RAPGEF5: variants seen among roughly 807,000 people sequenced by gnomAD.
The protein encoded by RAPGEF5 is Rap guanine nucleotide exchange factor 5, also known as M-Ras-regulated GEF.
RAPGEF5 carries 65 observed loss-of-function variants against 125.2 expected under a neutral mutation model. The ratio of observed to expected loss-of-function variants is 0.52; its 90% confidence interval spans 0.43 to 0.64. The LOEUF (loss-of-function observed/expected upper bound fraction) is 0.64. RAPGEF5 is among the 30% of genes least tolerant of loss of function. The probability of loss-of-function intolerance (pLI) is 0.00; values close to 1 mark genes in which losing one functional copy is unlikely to be tolerated. For missense variants in RAPGEF5, 958 were observed against 1,048.1 expected, an observed-to-expected ratio of 0.91 and a Z score of 1.19; for synonymous variants, 391 against 385.9, an observed-to-expected ratio of 1.01 and a Z score of -0.16.
intron 11 of RAPGEF5, 114 bp downstream of exon 11, chr7:22,193,253 A>T (rs2067842520): frequency 4.4e-6 from 5 of 1,143,660 alleles, no homozygotes; most frequent in Non-Finnish European, 6.1e-6. Flanking sequence ...CACAAAGCAT[A>T]TGCTATTTCT....
chr7:22,237,205 T>C (rs957726440), intron 7 of RAPGEF5, among the ~76,000 whole-genome samples: 2 of 152,316 alleles, frequency 1.3e-5, no homozygotes, highest in African/African-American at 4.8e-5. Context: ...AACAAAGCTC[T>C]TTTTCTGTAC....
chr7:22,166,202 C>G (rs965870144), intron 12 of RAPGEF5, among the ~76,000 whole-genome samples: 8 of 151,348 alleles, frequency 5.3e-5, no homozygotes, highest in Admixed American at 3.3e-4. Flanking sequence ...GCTGGAATTA[C>G]AGGTGTGAGC....
intron 1 of RAPGEF5, among the ~76,000 whole-genome samples, chr7:22,340,618 G>T (rs1784107862): frequency 6.6e-6 from 1 of 152,214 alleles, no homozygotes; most frequent in Admixed American, 6.5e-5. Context: ...TGTATGTCTG[G>T]GTCCCCCAGC....
chr7:22,226,286 T>C (rs1785916103), intron 8 of RAPGEF5, among the ~76,000 whole-genome samples: 1 of 152,196 alleles, frequency 6.6e-6, no homozygotes. Context: ...TTAATTTCAT[T>C]AAAAATTAAG....
chr7:22,356,142 G>T (rs912095646), intron 1 of RAPGEF5: 44 of 985,196 alleles, frequency 4.5e-5, no homozygotes, highest in Non-Finnish European at 4.9e-5. Context: ...ACCTGCTCAG[G>T]TCATTAGATG....
chr7:22,232,905 G>A (rs569649704), intron 7 of RAPGEF5, among the ~76,000 whole-genome samples: 5 of 152,252 alleles, frequency 3.3e-5, no homozygotes, highest in African/African-American at 1.2e-4. Flanking sequence ...TTCACGCTTT[G>A]GATAACTAGG....
chr7:22,242,947 CAAA>C (rs537954162), intron 7 of RAPGEF5, among the ~76,000 whole-genome samples: 4 of 65,768 alleles, frequency 6.1e-5, no homozygotes, highest in African/African-American at 9.3e-5. Flanking sequence ...AACTCCGTCT[CAAA>C]AAAAAAAAAA....
chr7:22,334,153 C>T (rs906653277), intron 1 of RAPGEF5, among the ~76,000 whole-genome samples: 5 of 152,206 alleles, frequency 3.3e-5, no homozygotes, highest in African/African-American at 4.8e-5. Context: ...AGCATGGGCC[C>T]GAGCCTGACC....
intron 1 of RAPGEF5, among the ~76,000 whole-genome samples, chr7:22,345,515 ATTAAAAAAAAGAC>A (rs981987043): frequency 1.3e-5 from 2 of 152,194 alleles, no homozygotes; most frequent in Non-Finnish European, 2.9e-5. Context: ...TTTTGAGTCT[ATTAAAAAAAAGAC>A]TTTATTCCAG....
chr7:22,218,702 C>T (rs920759883), intron 9 of RAPGEF5, among the ~76,000 whole-genome samples: 1 of 152,214 alleles, frequency 6.6e-6, no homozygotes, highest in Non-Finnish European at 1.5e-5. Flanking sequence ...TATAGTCAAA[C>T]TTCAGGGTGC....
chr7:22,213,876 T>G (rs1251946308), intron 9 of RAPGEF5, among the ~76,000 whole-genome samples: 1 of 152,246 alleles, frequency 6.6e-6, no homozygotes, highest in Non-Finnish European at 1.5e-5. Context: ...CTCACCTAGA[T>G]GTACAATTAT....
At chr7:22,354,993 A>G (rs1784395426) in intron 1 of RAPGEF5, among the ~76,000 whole-genome samples, 1 of 152,224 alleles carries the variant, frequency 6.6e-6, no homozygotes, top group Non-Finnish European at 1.5e-5. Flanking sequence ...GGAAGATTCC[A>G]AAATCACAAA....
chr7:22,289,301 A>T lies in RAPGEF5; in HGVS notation c.747+1874T>A, dbSNP rs542149965. Reference sequence around the variant, plus strand: ...AACTACATTACATTATTTATTATATATTTTTAAATGAGGCATAGTAGGAGA... The same window carrying T: ...AACTACATTACATTATTTATTATATTTTTTTAAATGAGGCATAGTAGGAGA... On this transcript the variant is annotated intron_variant, in intron 6 of 25. Coordinates refer to ENST00000665637, the MANE Select transcript of RAPGEF5 (RefSeq NM_012294.5). Among the ~76,000 whole-genome samples, 4 of 152,326 alleles carry T rather than the reference A, an allele frequency of 2.6e-5. No homozygotes were observed. In the South Asian group the frequency reaches 8.3e-4, roughly 32 times the overall value.
At chr7:22,284,107 C>G (rs1782740067) in intron 6 of RAPGEF5, among the ~76,000 whole-genome samples, 1 of 151,118 alleles carries the variant, frequency 6.6e-6, no homozygotes, top group Admixed American at 6.6e-5. Flanking sequence ...ATGTGGCAAC[C>G]TGTATATTAT....
intron 7 of RAPGEF5, among the ~76,000 whole-genome samples, chr7:22,265,963 T>A (rs1782273014): frequency 6.6e-6 from 1 of 152,150 alleles, no homozygotes; most frequent in South Asian, 2.1e-4. Context: ...CCCATCACCT[T>A]TATAGCTTCC....
chr7:22,163,903 T>C (rs1463779892), intron 12 of RAPGEF5, among the ~76,000 whole-genome samples: 1 of 152,206 alleles, frequency 6.6e-6, no homozygotes, highest in East Asian at 1.9e-4. Flanking sequence ...AAAATATAAT[T>C]TAGTCAATGT....
chr7:22,291,141 T>A (rs1479530409), intron 6 of RAPGEF5, 34 bp downstream of exon 6: 1 of 1,542,278 alleles, frequency 6.5e-7, no homozygotes, highest in South Asian at 1.3e-5. Context: ...TCATTATTTC[T>A]GCACCCCTAG....
chr7:22,305,905 T>G (rs1783327502), intron 5 of RAPGEF5, among the ~76,000 whole-genome samples: 1 of 152,232 alleles, frequency 6.6e-6, no homozygotes, highest in Admixed American at 6.5e-5. Flanking sequence ...TATGGCTGAA[T>G]AGTATTCCAT....
At chr7:22,352,858 A>C (rs1784355083) in intron 1 of RAPGEF5, among the ~76,000 whole-genome samples, 1 of 139,422 alleles carries the variant, frequency 7.2e-6, no homozygotes, top group African/African-American at 2.6e-5. Flanking sequence ...TGATGGATTT[A>C]GATCATCACC....
Sources: gnomAD v4.1 joint callset for allele counts (sites outside exome capture counted in the v4.1 genomes callset) on GRCh38, gnomAD v4.1.1 for gene constraint, MANE v1.5 for transcripts, NCBI Gene and HGNC (gene_info 2026-07-23, HGNC 2026-07-21) for gene names.